The following HUWE1 variants were observed in gnomAD, a reference collection of about 807,000 sequenced individuals.
HUWE1 encodes the protein E3 ubiquitin-protein ligase HUWE1.
Under a neutral mutation model 299.4 loss-of-function variants are expected in HUWE1, and 18 were observed. The ratio of observed to expected loss-of-function variants is 0.06; its 90% CI spans 0.04 to 0.09. The LOEUF (loss-of-function observed/expected upper bound fraction) is 0.09. Among genes scored for constraint, HUWE1 ranks in the 10% least tolerant of loss-of-function variants. HUWE1 has a pLI of 1.00. For synonymous variants in HUWE1, 1,317 were observed against 1,286.1 expected (o/e 1.02, Z -0.51); for missense variants, 1,832 against 3,462.3 (o/e 0.53, Z 11.82).
At chrX:53,607,012 G>A (rs945053546) in intron 25 of HUWE1, among the ~76,000 whole-genome samples, 2 of 110,971 alleles carry the variant, frequency 1.8e-5, no homozygotes, top group Admixed American at 1.9e-4. Flanking sequence ...TTCATTTTTG[G>A]CAAAATATGA....
At chrX:53,597,028 C>A (rs2064521815) in intron 29 of HUWE1, among the ~76,000 whole-genome samples, 2 of 111,439 alleles carry the variant, frequency 1.8e-5, no homozygotes, top group African/African-American at 3.3e-5. Context: ...TACAGGATTG[C>A]CATAATAAAG....
chrX:53,592,370 A>C, intron 33 of HUWE1, 28 bp downstream of exon 33: 1 of 1,097,697 alleles, frequency 9.1e-7, no homozygotes, highest in Non-Finnish European at 1.3e-6. Flanking sequence ...CAAAGTCTGG[A>C]CCCTGGAGTG....
At chrX:53,675,827 G>A (rs1373855445) in intron 3 of HUWE1, among the ~76,000 whole-genome samples, 2 of 111,341 alleles carry the variant, frequency 1.8e-5, no homozygotes, top group South Asian at 7.5e-4. Flanking sequence ...TGACTATTAG[G>A]AATACTTATT....
chrX:53,668,357 G>A (rs782249394), intron 3 of HUWE1, among the ~76,000 whole-genome samples: 14 of 107,499 alleles, frequency 1.3e-4, no homozygotes, highest in African/African-American at 4.4e-4. Context: ...CAGAAGAATC[G>A]CTTGAACTCG....
At position 53,549,261 on chromosome X, in the gene HUWE1, G is replaced by A; in HGVS notation, c.9733C>T (p.Leu3245Phe). Residue 3245 changes from leucine (L) to phenylalanine (F), a missense_variant, in exon 67 of 84, where the codon CTC (leucine) becomes TTC (phenylalanine). Physicochemically the swap from Leu to Phe is conservative, Grantham distance 22. This residue lies in a region of HUWE1 where 80 missense variants were observed against 142.1 expected (regional missense o/e 0.56). Coordinates refer to ENST00000262854, the MANE Select transcript of HUWE1 (RefSeq NM_031407.7). ...ESELCIETPK[L>F]TTSEEKGKKS... is the part of the protein sequence containing the mutation. ...TTGCCCTTTTCCTCACTTGTAGTGA[G>A]TTTGGGTGTTTCAATGCATAGCTCA... The A allele has an allele frequency of 8.3e-7, 1 of 1,211,867 alleles. No homozygotes were observed. The highest frequency in any genetic ancestry group is 1.1e-6 in the Non-Finnish European group (1 of 895,565).
At chrX:53,620,859 G>A (rs1195559805) in intron 19 of HUWE1, among the ~76,000 whole-genome samples, 1 of 111,123 alleles carries the variant, frequency 9.0e-6, no homozygotes, top group Non-Finnish European at 1.9e-5. Context: ...GTAACAGGAT[G>A]GGACCCACAG....
chrX:53,628,425 T>A, intron 15 of HUWE1, 68 bp downstream of exon 15: 1 of 1,066,367 alleles, frequency 9.4e-7, no homozygotes. Flanking sequence ...CACCCCAAAC[T>A]TGCATCTCTA....
Position 53,547,667 on chromosome X carries a change from A to G in HUWE1, c.10636+6T>C. 1 of 1,210,393 alleles carries G rather than the reference A, an allele frequency of 8.3e-7. No individual in the cohort carries two copies. Among genetic ancestry groups the G allele is most frequent in the Non-Finnish European group, 1.1e-6 (1 of 894,774 alleles). On this transcript the variant is annotated splice_donor_region_variant and intron_variant, in intron 68 of 83. Transcript: ENST00000262854. ...CCCACAGCTCCCAGTCTACATCCAC[A>G]CTTACTTGAAACAGTAGTGGTAGCA...
intron 61 of HUWE1, among the ~76,000 whole-genome samples, chrX:53,553,471 C>G (rs1210540694): frequency 9.4e-6 from 1 of 106,570 alleles, no homozygotes; most frequent in Admixed American, 1.0e-4. Flanking sequence ...CTTTGATTCA[C>G]TGCAGGCACC....
At chrX:53,591,589 C>T (rs1409762107) in intron 33 of HUWE1, among the ~76,000 whole-genome samples, 4 of 111,442 alleles carry the variant, frequency 3.6e-5, no homozygotes, top group Non-Finnish European at 7.5e-5. Flanking sequence ...AAACATCAAA[C>T]TGTAAGAAAA....
intron 3 of HUWE1, among the ~76,000 whole-genome samples, chrX:53,675,722 G>C (rs1006158711): frequency 1.8e-5 from 2 of 111,541 alleles, no homozygotes; most frequent in Non-Finnish European, 3.8e-5. Flanking sequence ...CTATACTTTA[G>C]ATATTATGTG....
chrX:53,625,534 C>A, intron 17 of HUWE1: 1 of 265,717 alleles, frequency 3.8e-6, no homozygotes, highest in Non-Finnish European at 6.6e-6. Context: ...TCACTCAGTT[C>A]CCATTTTGGA....
chrX:53,535,484 A>G lies in HUWE1; in HGVS notation c.12549T>C (p.Val4183=). The change falls in exon 81 of 84, where the codon GTT becomes GTC. Residue 4183 remains valine, a synonymous_variant. Transcript: ENST00000262854. ...TGGGTTTGAGGTCACGAACTTCACAAACTCCAAACTCTTGGACCTAGAACA... is the reference window on the plus strand; with the variant it reads ...TGGGTTTGAGGTCACGAACTTCACAGACTCCAAACTCTTGGACCTAGAACA... ...TFSTEVQEFG[V]CEVRDLKPNG... is the part of the protein sequence containing the mutation. The G allele has an allele frequency of 8.4e-7, 1 of 1,195,133 alleles. No individual in the cohort carries two copies. Among genetic ancestry groups the G allele is most frequent in the Non-Finnish European group, 1.1e-6 (1 of 880,998 alleles).
At chrX:53,683,209 C>T (rs1557054181) in intron 2 of HUWE1, among the ~76,000 whole-genome samples, 2 of 110,814 alleles carry the variant, frequency 1.8e-5, no homozygotes, top group African/African-American at 3.3e-5. Flanking sequence ...ACTCCCCCCT[C>T]CCTTAAATAC....
At chrX:53,633,433 C>T (rs1428948393) in intron 8 of HUWE1, among the ~76,000 whole-genome samples, 1 of 112,448 alleles carries the variant, frequency 8.9e-6, no homozygotes, top group Admixed American at 9.4e-5. Flanking sequence ...ACAGACAACA[C>T]TCACCTACTG....
intron 39 of HUWE1, 115 bp downstream of exon 39, chrX:53,586,375 T>G: frequency 2.0e-6 from 1 of 511,883 alleles, no homozygotes; most frequent in East Asian, 3.7e-5. Context: ...CTTAAGAGAT[T>G]TATACATTGG....
In HUWE1 at chrX:53,588,511, C is replaced by T. The variant is rs147828532; in HGVS notation, c.4485G>A (p.Leu1495=). Residue 1495 remains leucine (L), a synonymous_variant, in exon 37 of 84, where the codon TTG becomes TTA. Transcript: ENST00000262854. ...TTGTCAGGGGAAGAGCAGCTTTGAT[C>T]AATACATCAGCAGCTTCCCACACCT... ...VNQVWEAADV[L]IKAALPLTTS... 8.3e-7 allele frequency: 1 copy of T among 1,203,528 alleles called. No homozygotes were observed. The highest frequency in any genetic ancestry group is 1.8e-5 in the African/African-American group (1 of 56,828).
Position 53,546,740 on chromosome X carries a change from A to G in HUWE1, c.10722T>C (p.Ser3574=). The G allele has an allele frequency of 1.7e-6, 2 of 1,211,347 alleles. No individual in the cohort carries two copies. The highest frequency in any genetic ancestry group is 2.2e-6 in the Non-Finnish European group (2 of 895,011). The part of the protein sequence containing the change: ...SSSTDFKMVS[S]GLTENQLQLS... Reference sequence around the variant, plus strand: ...GCTGTAGCTGGTTTTCAGTGAGGCCAGAGGACACCATCTTAAAGTCTGTAC... The same window carrying G: ...GCTGTAGCTGGTTTTCAGTGAGGCCGGAGGACACCATCTTAAAGTCTGTAC... Residue 3574 remains serine, a synonymous_variant, in exon 69 of 84, where the codon TCT becomes TCC. Coordinates refer to ENST00000262854, the MANE Select transcript of HUWE1 (RefSeq NM_031407.7).
intron 70 of HUWE1, among the ~76,000 whole-genome samples, chrX:53,545,426 G>A (rs1476886232): frequency 9.0e-6 from 1 of 111,565 alleles, no homozygotes; most frequent in Non-Finnish European, 1.9e-5. Flanking sequence ...ATCTCCTCTG[G>A]AGCTAAACAG....
Sources: gnomAD v4.1 joint callset for allele counts (sites outside exome capture counted in the v4.1 genomes callset) on GRCh38, gnomAD v4.1.1 for gene constraint, gnomAD v4.1.1 regional missense constraint, MANE v1.5 for transcripts, NCBI Gene and HGNC (gene_info 2026-07-23, HGNC 2026-07-21) for gene names.